RALYL: variants seen among roughly 807,000 people sequenced by gnomAD.
The protein encoded by RALYL is RALY RNA binding protein like.
RALYL carries 29 observed loss-of-function variants against 35.1 expected under a neutral mutation model. That is an observed-to-expected ratio of 0.83 (90% CI 0.61 to 1.13). The LOEUF (loss-of-function observed/expected upper bound fraction) is 1.13. Among genes scored for constraint, RALYL ranks in the 50% most tolerant of loss-of-function variants. The pLI is 0.00. For synonymous variants in RALYL, 120 were observed against 127.6 expected, an observed-to-expected ratio of 0.94 and a Z score of 0.40; for missense variants, 359 against 360.4, an observed-to-expected ratio of 1.00 and a Z score of 0.03.
In RALYL at chr8:84,870,334, G is replaced by A. The variant is rs563768625; in HGVS notation, c.572-2950G>A. Among the ~76,000 whole-genome samples the A allele has an allele frequency of 3.3e-5, 5 of 151,276 alleles. No individual in the cohort carries two copies. The South Asian group carries it at 1.0e-3, about 32-fold the overall frequency. ...TGTGCAGTGGTGCGATCTTGGCTCG[G>A]TGCAATCTCTGTCTCCTGGGTTCAA... On this transcript the variant is annotated intron_variant, in intron 6 of 8. Coordinates refer to ENST00000521268, the MANE Select transcript of RALYL (RefSeq NM_173848.7).
chr8:84,236,095 AT>A (rs1435837462), intron 1 of RALYL, among the ~76,000 whole-genome samples: 2 of 152,018 alleles, frequency 1.3e-5, no homozygotes, highest in Non-Finnish European at 2.9e-5. Context: ...GCTGTGTTTC[AT>A]TTTTATTAGG....
At chr8:84,401,215 T>C (rs891518368) in intron 1 of RALYL, among the ~76,000 whole-genome samples, 2 of 151,756 alleles carry the variant, frequency 1.3e-5, no homozygotes, top group African/African-American at 4.9e-5. Flanking sequence ...GAAATGTGCT[T>C]TCTTTTCTTC....
At chr8:84,477,383 C>T (rs1034605850) in intron 1 of RALYL, among the ~76,000 whole-genome samples, 1 of 149,564 alleles carries the variant, frequency 6.7e-6, no homozygotes, top group Non-Finnish European at 1.5e-5. Context: ...ATATAATGTA[C>T]ATATAAATAT....
chr8:84,479,156 T>G (rs1213509817), intron 1 of RALYL, among the ~76,000 whole-genome samples: 2 of 147,732 alleles, frequency 1.4e-5, no homozygotes, highest in African/African-American at 4.9e-5. Flanking sequence ...TCCTTTAGGA[T>G]TCTCCTTTAA....
intron 8 of RALYL, among the ~76,000 whole-genome samples, chr8:84,912,644 A>T (rs1402581141): frequency 6.6e-6 from 1 of 152,030 alleles, no homozygotes; most frequent in Non-Finnish European, 1.5e-5. Context: ...AAACTCTGCT[A>T]ATCAAAATAG....
intron 1 of RALYL, among the ~76,000 whole-genome samples, chr8:84,195,694 GT>G (rs1441556402): frequency 6.6e-6 from 1 of 152,058 alleles, no homozygotes; most frequent in East Asian, 1.9e-4. Context: ...TATTACTCTC[GT>G]TCCATTGTAT....
chr8:84,461,939 T>C (rs1388372906), intron 1 of RALYL, among the ~76,000 whole-genome samples: 1 of 151,624 alleles, frequency 6.6e-6, no homozygotes, highest in Admixed American at 6.6e-5. Context: ...ACATTAGGAT[T>C]CACTCTTTAT....
At chr8:84,364,934 CA>C (rs1337585255) in intron 1 of RALYL, among the ~76,000 whole-genome samples, 2 of 152,102 alleles carry the variant, frequency 1.3e-5, no homozygotes, top group African/African-American at 2.4e-5. Flanking sequence ...TTTTCAGCTT[CA>C]AATAAATAGT....
intron 1 of RALYL, among the ~76,000 whole-genome samples, chr8:84,519,862 A>C (rs1345007849): frequency 1.3e-5 from 2 of 152,190 alleles, no homozygotes; most frequent in Non-Finnish European, 2.9e-5. Flanking sequence ...TTTGATTTTT[A>C]CAGGATGTTG....
At chr8:84,714,451 T>C (rs1038660915) in intron 2 of RALYL, among the ~76,000 whole-genome samples, 8 of 151,674 alleles carry the variant, frequency 5.3e-5, no homozygotes, top group Middle Eastern at 3.2e-3. Context: ...ATTCATTAAG[T>C]TGACTTAGCC....
In RALYL at chr8:84,546,804, G is replaced by A. The variant is rs1291839271; in HGVS notation, c.256+17227G>A. ...AGTGTATCTAGGGATTTTAGGGGTG[G>A]GTAGGGCTCTTGAATGACTTTATTT... On this transcript the variant is annotated intron_variant, in intron 2 of 8. Transcript: ENST00000521268. Among the ~76,000 whole-genome samples the A allele has an allele frequency of 4.6e-5, 7 of 152,036 alleles. No individual in the cohort carries two copies. The East Asian group carries it at 1.3e-3, about 29-fold the overall frequency.
intron 2 of RALYL, among the ~76,000 whole-genome samples, chr8:84,653,102 C>G (rs531533804): frequency 6.6e-6 from 1 of 151,958 alleles, no homozygotes. Context: ...CTTGAGAGTG[C>G]GTACCAGAGT....
intron 1 of RALYL, among the ~76,000 whole-genome samples, chr8:84,516,003 G>C (rs1274941264): frequency 6.6e-6 from 1 of 150,868 alleles, no homozygotes; most frequent in African/African-American, 2.4e-5. Context: ...CCTGGTTTGT[G>C]GTGGTCGGGG....
chr8:84,719,962 C>G (rs988846014), intron 2 of RALYL, among the ~76,000 whole-genome samples: 1 of 152,110 alleles, frequency 6.6e-6, no homozygotes, highest in Admixed American at 6.6e-5. Flanking sequence ...CAATTCTACT[C>G]TCTACTTCAA....
chr8:84,682,378 T>A (rs1009472319), intron 2 of RALYL, among the ~76,000 whole-genome samples: 7 of 152,196 alleles, frequency 4.6e-5, no homozygotes, highest in African/African-American at 1.4e-4. Context: ...GAGGATTCCT[T>A]CTTTTTCTAT....
At chr8:84,415,857 C>G (rs1375791104) in intron 1 of RALYL, among the ~76,000 whole-genome samples, 1 of 152,180 alleles carries the variant, frequency 6.6e-6, no homozygotes, top group Non-Finnish European at 1.5e-5. Flanking sequence ...CTAATATTAA[C>G]ACAAATCCTC....
At chr8:84,606,437 G>A (rs559983726) in intron 2 of RALYL, among the ~76,000 whole-genome samples, 4 of 152,082 alleles carry the variant, frequency 2.6e-5, no homozygotes, top group East Asian at 1.9e-4. Context: ...AGACACTGTC[G>A]GTACTTTTTT....
chr8:84,525,752 A>G (rs2058831850), intron 1 of RALYL, among the ~76,000 whole-genome samples: 2 of 151,886 alleles, frequency 1.3e-5, no homozygotes, highest in South Asian at 4.2e-4. Context: ...TTTCATCACC[A>G]TTCAGTGATT....
At chr8:84,195,588 A>G (rs1358850397) in intron 1 of RALYL, among the ~76,000 whole-genome samples, 1 of 152,242 alleles carries the variant, frequency 6.6e-6, no homozygotes, top group Non-Finnish European at 1.5e-5. Context: ...GATTGCTTGT[A>G]GTTCTTTGGG....
Sources: allele counts gnomAD v4.1 joint callset (sites outside exome capture counted in the v4.1 genomes callset), GRCh38; gene constraint gnomAD v4.1.1; transcripts MANE v1.5; gene names NCBI Gene and HGNC (gene_info 2026-07-23, HGNC 2026-07-21).